CDYL2: variants seen among roughly 807,000 people sequenced by gnomAD.
CDYL2 encodes the protein chromodomain Y like 2.
CDYL2 carries 23 observed loss-of-function variants against 49.4 expected under a neutral mutation model. The observed-to-expected ratio is 0.47, with a 90% CI of 0.34 to 0.66. The LOEUF is 0.66. CDYL2 is among the 30% of genes least tolerant of loss of function. The pLI is 0.01. For synonymous variants in CDYL2, 360 were observed against 268.8 expected (o/e 1.34, Z -3.32); for missense variants, 678 against 656.4 (o/e 1.03, Z -0.36).
intron 2 of CDYL2, among the ~76,000 whole-genome samples, chr16:80,633,865 T>A (rs76648505): frequency 2.8e-3 from 420 of 152,276 alleles, no homozygotes; most frequent in East Asian, 0.01. Context: ...ACAAATGGCC[T>A]GAAAGTGCCC....
At chr16:80,730,570 G>T (rs1357338579) in intron 1 of CDYL2, among the ~76,000 whole-genome samples, 2 of 151,722 alleles carry the variant, frequency 1.3e-5, no homozygotes, top group Non-Finnish European at 2.9e-5. Context: ...CCAATCAATA[G>T]AAAAAGAGGG....
chr16:80,693,274 A>C (rs7196811), intron 1 of CDYL2, among the ~76,000 whole-genome samples: 1 of 151,914 alleles, frequency 6.6e-6, no homozygotes, highest in Non-Finnish European at 1.5e-5. Flanking sequence ...TGTAATCATA[A>C]ATAAGTTATA....
intron 4 of CDYL2, among the ~76,000 whole-genome samples, chr16:80,619,827 A>G (rs1466126509): frequency 6.6e-6 from 1 of 152,126 alleles, no homozygotes; most frequent in Non-Finnish European, 1.5e-5. Context: ...CACACACAAG[A>G]GCATCCTAGC....
chr16:80,627,264 C>T (rs193251687), intron 3 of CDYL2, among the ~76,000 whole-genome samples: 1 of 151,930 alleles, frequency 6.6e-6, no homozygotes, highest in African/African-American at 2.4e-5. Flanking sequence ...CTCACCTATA[C>T]ATGAACTCTA....
At chr16:80,610,554 GT>G (rs1351843780) in intron 5 of CDYL2, among the ~76,000 whole-genome samples, 1 of 151,452 alleles carries the variant, frequency 6.6e-6, no homozygotes, top group Non-Finnish European at 1.5e-5. Context: ...TTGGGCAGAG[GT>G]AGGGTGTCCC....
chr16:80,748,052 A>C (rs1905992193), intron 1 of CDYL2, among the ~76,000 whole-genome samples: 1 of 151,612 alleles, frequency 6.6e-6, no homozygotes, highest in African/African-American at 2.4e-5. Context: ...AGTGACCAGA[A>C]TGTTACACAC....
intron 1 of CDYL2, among the ~76,000 whole-genome samples, chr16:80,793,861 T>A (rs979793706): frequency 3.2e-4 from 49 of 152,346 alleles, no homozygotes; most frequent in African/African-American, 1.0e-3. Flanking sequence ...AATAGCAAAA[T>A]TTTTTAATGA....
intron 1 of CDYL2, 41 bp from the exon 2 acceptor site, chr16:80,685,170 G>A (rs772894251): frequency 3.3e-6 from 5 of 1,517,408 alleles, no homozygotes; most frequent in South Asian, 2.5e-5. Context: ...AGAGAGAGAG[G>A]GAGGAAAAAA....
rs1027199071 is a variant in CDYL2 at position 80,612,139 on chromosome 16, G to GC, written c.1218+486dup. ...ATACCACATGAGTGGAGGGGAAGAC[G>GC]CCCCTGCCGGCCTGGCCCATGAAGC... On this transcript the variant is annotated intron_variant, in intron 5 of 6. Coordinates refer to ENST00000570137, the MANE Select transcript of CDYL2 (RefSeq NM_152342.4). This position sits in a 1 kb window ranked among gnomAD's most constrained non-coding sequence, Gnocchi z 5.0. Among the ~76,000 whole-genome samples, 2 of 152,308 alleles carry GC rather than the reference G, an allele frequency of 1.3e-5. No individual in the cohort carries two copies. Among genetic ancestry groups the GC allele is most frequent in the African/African-American group, 4.8e-5 (2 of 41,572 alleles).
intron 1 of CDYL2, among the ~76,000 whole-genome samples, chr16:80,724,399 G>T (rs1162238961): frequency 1.3e-5 from 2 of 152,116 alleles, no homozygotes; most frequent in African/African-American, 4.8e-5. Context: ...GCTATCAGGT[G>T]GCTCTTTTTT....
At chr16:80,646,549 G>A (rs747501066) in intron 2 of CDYL2, among the ~76,000 whole-genome samples, 1 of 152,166 alleles carries the variant, frequency 6.6e-6, no homozygotes, top group Non-Finnish European at 1.5e-5. Flanking sequence ...CCAGCACTTT[G>A]GGAGGCCAAG....
intron 2 of CDYL2, among the ~76,000 whole-genome samples, chr16:80,641,180 G>A (rs1460378891): frequency 1.3e-5 from 2 of 151,984 alleles, no homozygotes; most frequent in African/African-American, 4.8e-5. Context: ...CAAAGCTCAA[G>A]GATAAAGAAA....
intron 1 of CDYL2, among the ~76,000 whole-genome samples, chr16:80,786,641 T>A (rs1907445000): frequency 6.6e-6 from 1 of 151,638 alleles, no homozygotes; most frequent in African/African-American, 2.4e-5. Flanking sequence ...TATAAATCAT[T>A]CTACAATAGC....
intron 1 of CDYL2, among the ~76,000 whole-genome samples, chr16:80,689,153 A>T (rs557287170): frequency 2.6e-5 from 4 of 152,352 alleles, no homozygotes; most frequent in South Asian, 4.1e-4. Flanking sequence ...AAAATAAGCA[A>T]TCTGAGATGC....
chr16:80,619,948 A>C (rs972086352), intron 4 of CDYL2, among the ~76,000 whole-genome samples: 1 of 152,116 alleles, frequency 6.6e-6, no homozygotes, highest in Admixed American at 6.5e-5. Context: ...GGCCCCAGAA[A>C]ATCCCTGACT....
At chr16:80,781,769 G>C (rs917744865) in intron 1 of CDYL2, among the ~76,000 whole-genome samples, 1 of 152,010 alleles carries the variant, frequency 6.6e-6, no homozygotes, top group Non-Finnish European at 1.5e-5. Flanking sequence ...CAAATATGTA[G>C]AAAATAAATG....
chr16:80,724,537 C>T (rs899231787), intron 1 of CDYL2, among the ~76,000 whole-genome samples: 2 of 152,198 alleles, frequency 1.3e-5, no homozygotes, highest in Non-Finnish European at 2.9e-5. Context: ...TCTCCACCCA[C>T]CTCAAGCACA....
intron 2 of CDYL2, among the ~76,000 whole-genome samples, chr16:80,640,139 G>A (rs1908017623): frequency 6.6e-6 from 1 of 152,192 alleles, no homozygotes; most frequent in South Asian, 2.1e-4. Flanking sequence ...CAGCTGGGGT[G>A]GCTAAGGGAG....
intron 4 of CDYL2, 80 bp downstream of exon 4, chr16:80,620,683 G>T: frequency 1.5e-6 from 2 of 1,326,872 alleles, no homozygotes; most frequent in Non-Finnish European, 2.0e-6. Context: ...TTTGAAATTC[G>T]AATTTAACTG....
Sources: allele counts gnomAD v4.1 joint callset (sites outside exome capture counted in the v4.1 genomes callset), GRCh38; gene constraint gnomAD v4.1.1; non-coding constraint Gnocchi (gnomAD v3.1); transcripts MANE v1.5; gene names NCBI Gene and HGNC (gene_info 2026-07-23, HGNC 2026-07-21).